The following ZNF827 variants were observed in gnomAD, a reference collection of about 807,000 sequenced individuals.
ZNF827 encodes zinc finger protein 827.
Under a neutral mutation model 102.4 loss-of-function variants are expected in ZNF827, and 13 were observed. The ratio of observed to expected loss-of-function variants is 0.13; its 90% CI spans 0.08 to 0.20. The LOEUF (loss-of-function observed/expected upper bound fraction) is 0.20, where lower values mean the gene tolerates loss of function less well. Ranked by LOEUF, ZNF827 falls within the 10% of genes least tolerant of loss-of-function variation. The pLI, the probability that ZNF827 is intolerant of heterozygous loss-of-function variation, is 1.00. For missense variants in ZNF827, 1,103 were observed against 1,344.4 expected, an observed-to-expected ratio of 0.82 and a Z score of 2.81; for synonymous variants, 523 against 536.2, an observed-to-expected ratio of 0.98 and a Z score of 0.34.
At chr4:145,835,620 AT>A (rs1301928950) in intron 7 of ZNF827, among the ~76,000 whole-genome samples, 1 of 149,708 alleles carries the variant, frequency 6.7e-6, no homozygotes, top group Admixed American at 6.6e-5. Flanking sequence ...CTCCTCTTGT[AT>A]CCCCCCACCT....
rs778190302 is a variant in ZNF827, at chr4:145,849,409, G to A, written c.2134C>T (p.Pro712Ser). 98 of 1,614,032 alleles carry A rather than the reference G, an allele frequency of 6.1e-5. No homozygotes were observed. Among genetic ancestry groups the A allele is most frequent in the Non-Finnish European group, 8.0e-5 (94 of 1,180,046 alleles). The stretch of plus-strand genomic sequence containing the variant: ...CTCTCTGGGGGTACTCTGCCCTCTG[G>A]CATCTTCTGTAAGGGTTCGGTTTTC... Reference protein sequence around the residue: ...REKTEPLQKMPEGRVPPERNL... With the variant: ...REKTEPLQKMSEGRVPPERNL... Residue 712 changes from proline (P) to serine (S), a missense_variant, in exon 6 of 15, where the codon CCA (proline) becomes TCA (serine). Physicochemically the swap from Pro to Ser is moderately conservative, Grantham distance 74. Transcript: ENST00000508784.
At chr4:145,822,827 T>C (rs2126488908) in intron 8 of ZNF827, among the ~76,000 whole-genome samples, 1 of 152,262 alleles carries the variant, frequency 6.6e-6, no homozygotes, top group Admixed American at 6.5e-5. Context: ...TCCTTCCTTC[T>C]ACCCAGGAAA....
intron 2 of ZNF827, among the ~76,000 whole-genome samples, chr4:145,893,734 TA>T (rs1028016280): frequency 1.3e-5 from 2 of 152,156 alleles, no homozygotes; most frequent in African/African-American, 4.8e-5. Context: ...AATGTCCTTA[TA>T]AAAAATTAAA....
At position 145,778,442 on chromosome 4, in the gene ZNF827, CTT is replaced by C. The variant is rs112557731; in HGVS notation, c.2521+930_2521+931del. On this transcript the variant is annotated intron_variant, in intron 9 of 14. Transcript: ENST00000508784. Reference sequence around the variant, plus strand: ...AGCCATCGCGCCCGACAACAAAAACCTTTTTTTTTTAAAAAAGTTAGCTGGGC... The same window carrying C: ...AGCCATCGCGCCCGACAACAAAAACCTTTTTTTTAAAAAAGTTAGCTGGGC... Among the ~76,000 whole-genome samples, 210 of 150,122 alleles carry C rather than the reference CTT, an allele frequency of 1.4e-3. 1 individual carries two copies. The highest frequency in any genetic ancestry group is 4.9e-3 in the African/African-American group (200 of 40,990).
At chr4:145,846,185 C>G (rs971703337) in intron 6 of ZNF827, among the ~76,000 whole-genome samples, 172 bp from the exon 7 acceptor site, 1 of 152,176 alleles carries the variant, frequency 6.6e-6, no homozygotes, top group South Asian at 2.1e-4. Flanking sequence ...AGACAATCAT[C>G]CAAAGCATGT....
intron 8 of ZNF827, among the ~76,000 whole-genome samples, chr4:145,786,947 A>C (rs1267136607): frequency 6.6e-6 from 1 of 152,186 alleles, no homozygotes; most frequent in Non-Finnish European, 1.5e-5. Context: ...GATGGCTGGC[A>C]CTGGTGACCT....
chr4:145,904,969 T>C (rs964669114), intron 1 of ZNF827, among the ~76,000 whole-genome samples: 2 of 152,148 alleles, frequency 1.3e-5, no homozygotes, highest in African/African-American at 2.4e-5. Flanking sequence ...AGGATCCAGG[T>C]GGGGATTATG....
chr4:145,889,377 A>G (rs1750401502), intron 3 of ZNF827, among the ~76,000 whole-genome samples: 1 of 152,152 alleles, frequency 6.6e-6, no homozygotes, highest in Non-Finnish European at 1.5e-5. Context: ...TTTAACTCTC[A>G]TAACAACCCC....
At chr4:145,810,749 T>A (rs1022417310) in intron 8 of ZNF827, among the ~76,000 whole-genome samples, 2 of 152,212 alleles carry the variant, frequency 1.3e-5, no homozygotes, top group Non-Finnish European at 1.5e-5. Flanking sequence ...TCTCCTTCAT[T>A]CTTTTTTAAT....
intron 2 of ZNF827, among the ~76,000 whole-genome samples, chr4:145,898,834 C>A (rs1751183288): frequency 6.6e-6 from 1 of 152,154 alleles, no homozygotes; most frequent in South Asian, 2.1e-4. Context: ...TTTGGACTTC[C>A]CTTGACCTAA....
intron 8 of ZNF827, among the ~76,000 whole-genome samples, chr4:145,806,148 T>C (rs1741410931): frequency 1.4e-3 from 1 of 696 alleles, no homozygotes. Flanking sequence ...ATAAATGAAC[T>C]TTTTTTTTTT....
rs771379229 is a variant in ZNF827 at position 145,759,439 on chromosome 4, C to T, written c.*2177G>A. 2.0e-5 allele frequency: 3 copies of T among 152,130 alleles called. No homozygotes were observed. Among genetic ancestry groups the T allele is most frequent in the African/African-American group, 7.2e-5 (3 of 41,414 alleles). The allele number at this position is 152,130 out of a possible 1,614,324, so 9.4% of individuals were successfully genotyped here. On this transcript the variant is annotated 3_prime_UTR_variant, in exon 15 of 15. Coordinates refer to ENST00000508784, the MANE Select transcript of ZNF827 (RefSeq NM_001306215.2). ...TTTTAAATAAGTATAAAGTTAGCCT[C>T]CTAGCAGGTTACATCTACCAGGCGT...
rs573091673 is a variant in ZNF827, at chr4:145,891,126, T to C, written c.1266+1117A>G. Among the ~76,000 whole-genome samples the C allele has an allele frequency of 3.9e-5, 6 of 152,322 alleles. No individual in the cohort carries two copies. The South Asian group carries it at 1.0e-3, about 26-fold the overall frequency. On this transcript the variant is annotated intron_variant, in intron 3 of 14. Coordinates refer to ENST00000508784, the MANE Select transcript of ZNF827 (RefSeq NM_001306215.2). ...ATAAATAATGTCAACAGCCAAATCATATCGAAAATATCAGTGAAGATATGA... is the reference window on the plus strand; with the variant it reads ...ATAAATAATGTCAACAGCCAAATCACATCGAAAATATCAGTGAAGATATGA...
Position 145,774,487 on chromosome 4 carries a change from G to A in ZNF827, c.2860+19C>T, listed in dbSNP as rs1736747971. On this transcript the variant is annotated intron_variant, in intron 11 of 14. Coordinates refer to ENST00000508784, the MANE Select transcript of ZNF827 (RefSeq NM_001306215.2). ...GGGGATGGAGAAGGAGTGTGAGAAG[G>A]ACAGACAGGAATGGTCACCTGTGTG... The A allele has an allele frequency of 6.2e-7, 1 of 1,603,376 alleles. No individual in the cohort carries two copies. The highest frequency in any genetic ancestry group is 8.5e-7 in the Non-Finnish European group (1 of 1,174,116).
chr4:145,868,391 T>C (rs1292922043), intron 5 of ZNF827, among the ~76,000 whole-genome samples: 1 of 152,194 alleles, frequency 6.6e-6, no homozygotes, highest in African/African-American at 2.4e-5. Context: ...TTGTTGTCAG[T>C]CTTCAAACAA....
chr4:145,938,312 G>A (rs920540177), intron 1 of ZNF827, 53 bp downstream of exon 1: 1 of 1,607,322 alleles, frequency 6.2e-7, no homozygotes, highest in Non-Finnish European at 8.5e-7. Flanking sequence ...GGGGAAAGAG[G>A]AGAGGGAGGG....
intron 8 of ZNF827, among the ~76,000 whole-genome samples, chr4:145,810,803 G>A (rs577467229): frequency 6.6e-6 from 1 of 152,106 alleles, no homozygotes; most frequent in East Asian, 1.9e-4. Flanking sequence ...TATTGAAAAT[G>A]GTTTCCTACC....
chr4:145,882,872 G>C (rs572392719), intron 4 of ZNF827, among the ~76,000 whole-genome samples: 2 of 152,226 alleles, frequency 1.3e-5, no homozygotes, highest in East Asian at 3.9e-4. Flanking sequence ...ATAACGCCAA[G>C]GGACAAGGCC....
chr4:145,924,575 C>G (rs1267316512), intron 1 of ZNF827, among the ~76,000 whole-genome samples: 6 of 152,198 alleles, frequency 3.9e-5, no homozygotes, highest in Admixed American at 3.9e-4. Context: ...GCTCTCCCAA[C>G]AGCCCCTTCA....
Sources: gnomAD v4.1 joint callset for allele counts (sites outside exome capture counted in the v4.1 genomes callset) on GRCh38, gnomAD v4.1.1 for gene constraint, MANE v1.5 for transcripts, NCBI Gene and HGNC (gene_info 2026-07-23, HGNC 2026-07-21) for gene names.